STAC: variants seen among roughly 807,000 people sequenced by gnomAD.
STAC encodes the protein SH3 and cysteine-rich domain-containing protein.
STAC carries 43 observed loss-of-function variants against 48.8 expected under a neutral mutation model. The ratio of observed to expected loss-of-function variants is 0.88; its 90% CI spans 0.69 to 1.14. The LOEUF (loss-of-function observed/expected upper bound fraction) is 1.14, where lower values mean the gene tolerates loss of function less well. Among genes scored for constraint, STAC ranks in the 50% most tolerant of loss-of-function variants. The pLI is 0.00. For synonymous variants in STAC, 193 were observed against 179.5 expected (o/e 1.07, Z -0.60); for missense variants, 497 against 504.0 (o/e 0.99, Z 0.13).
intron 8 of STAC, among the ~76,000 whole-genome samples, chr3:36,524,590 T>G (rs1188438904): frequency 6.6e-5 from 10 of 151,562 alleles, no homozygotes. Context: ...AAACTCCATC[T>G]CAAAAAAATA....
intron 2 of STAC, among the ~76,000 whole-genome samples, chr3:36,455,393 C>A (rs1696824955): frequency 6.6e-6 from 1 of 152,170 alleles, no homozygotes; most frequent in African/African-American, 2.4e-5. Flanking sequence ...AGCTGCAAAG[C>A]CTTTTCCTGC....
intron 1 of STAC, among the ~76,000 whole-genome samples, chr3:36,398,304 A>AAAGCAAGAAAGAAAGC: frequency 9.1e-6 from 1 of 109,440 alleles, no homozygotes; most frequent in African/African-American, 3.9e-5. Flanking sequence ...AAAAAGAAAG[A>AAAGCAAGAAAGAAAGC]AAGAAAGAAA....
chr3:36,464,737 A>G (rs1697117904), intron 2 of STAC, among the ~76,000 whole-genome samples: 1 of 152,224 alleles, frequency 6.6e-6, no homozygotes, highest in South Asian at 2.1e-4. Flanking sequence ...TATTGGAACA[A>G]TAGTCTCCGA....
chr3:36,529,090 G>A, intron 10 of STAC, 105 bp downstream of exon 10: 1 of 1,167,464 alleles, frequency 8.6e-7, no homozygotes, highest in East Asian at 2.6e-5. Flanking sequence ...CACATTCAAA[G>A]TATTCACTTT....
chr3:36,526,659 G>A (rs377373621), intron 8 of STAC, among the ~76,000 whole-genome samples: 16 of 152,030 alleles, frequency 1.1e-4, no homozygotes, highest in East Asian at 7.7e-4. Context: ...TCATAGCACC[G>A]CATTACTACT....
chr3:36,402,302 A>G (rs1418808449), intron 1 of STAC, among the ~76,000 whole-genome samples: 1 of 152,094 alleles, frequency 6.6e-6, no homozygotes, highest in Non-Finnish European at 1.5e-5. Context: ...GGGGAAGAAG[A>G]AGGAAGGAAG....
At position 36,382,321 on chromosome 3, in the gene STAC, C is replaced by T. The variant is rs373748607; in HGVS notation, c.111+1567C>T. Among the ~76,000 whole-genome samples the T allele has an allele frequency of 5.9e-5, 9 of 152,278 alleles. No homozygotes were observed. The South Asian group carries it at 1.9e-3, about 32-fold the overall frequency. On this transcript the variant is annotated intron_variant, in intron 1 of 10. Transcript: ENST00000273183. ...CCTGTTGCTCTGCAGTAGGCGTGTT[C>T]TGGAAAGGGCTTAGCATTTGGGCAA...
intron 2 of STAC, among the ~76,000 whole-genome samples, chr3:36,453,627 G>GGAGGCTAGGGGATTGTAAACA (rs1553636174): frequency 6.0e-4 from 64 of 106,360 alleles, no homozygotes; most frequent in South Asian, 7.7e-4. Flanking sequence ...TCCCTGACGA[G>GGAGGCTAGGGGATTGTAAACA]CGCCGCCCCC....
chr3:36,523,590 C>T (rs548066505), intron 8 of STAC, among the ~76,000 whole-genome samples: 1 of 152,272 alleles, frequency 6.6e-6, no homozygotes, highest in African/African-American at 2.4e-5. Context: ...ATAAAGTCTC[C>T]TAAAAGCAAG....
intron 5 of STAC, among the ~76,000 whole-genome samples, chr3:36,492,023 AAAAAAAAAATATATATATATATATAT>A (rs1451334981): frequency 4.0e-5 from 1 of 25,000 alleles, no homozygotes; most frequent in African/African-American, 1.0e-4. Flanking sequence ...AAAAAAAAAA[AAAAAAAAAATATATATATATATATAT>A]ATATATATAT....
chr3:36,533,730 CT>C (rs1485956190), intron 10 of STAC, among the ~76,000 whole-genome samples: 1 of 151,978 alleles, frequency 6.6e-6, no homozygotes, highest in Non-Finnish European at 1.5e-5. Context: ...TAAACTGAAT[CT>C]GCTAGGGTTT....
At chr3:36,526,752 A>C (rs776429195) in intron 8 of STAC, among the ~76,000 whole-genome samples, 8 of 152,206 alleles carry the variant, frequency 5.3e-5, no homozygotes, top group Admixed American at 1.3e-4. Flanking sequence ...ACCCATGCCT[A>C]AGGAGGGCTC....
intron 2 of STAC, among the ~76,000 whole-genome samples, chr3:36,455,722 C>T (rs1042155721): frequency 2.0e-5 from 3 of 151,752 alleles, no homozygotes; most frequent in African/African-American, 4.9e-5. Flanking sequence ...AAAATAGGGC[C>T]GTCCTTTGTA....
chr3:36,487,844 T>C (rs2125702963), intron 5 of STAC, among the ~76,000 whole-genome samples: 1 of 152,324 alleles, frequency 6.6e-6, no homozygotes, highest in East Asian at 1.9e-4. Flanking sequence ...CATTTTAAGA[T>C]ACCTGATGAC....
intron 10 of STAC, among the ~76,000 whole-genome samples, chr3:36,539,219 T>C (rs1699266924): frequency 6.6e-6 from 1 of 152,084 alleles, no homozygotes; most frequent in Admixed American, 6.6e-5. Flanking sequence ...AACTTTTATT[T>C]TAAGTTCAGG....
intron 6 of STAC, among the ~76,000 whole-genome samples, chr3:36,495,207 A>G (rs1249566486): frequency 6.6e-6 from 1 of 152,194 alleles, no homozygotes; most frequent in Non-Finnish European, 1.5e-5. Flanking sequence ...TAGGGTTCTT[A>G]TGATCTTTGG....
chr3:36,444,015 C>T (rs984857425), intron 2 of STAC, among the ~76,000 whole-genome samples: 12 of 152,106 alleles, frequency 7.9e-5, no homozygotes, highest in South Asian at 4.1e-4. Context: ...AAAAAAAAGC[C>T]GATGTCTGTC....
chr3:36,535,823 T>C (rs1162610707), intron 10 of STAC, among the ~76,000 whole-genome samples: 1 of 152,212 alleles, frequency 6.6e-6, no homozygotes, highest in East Asian at 1.9e-4. Flanking sequence ...GAAGCCAACT[T>C]GATCATGGTG....
intron 2 of STAC, among the ~76,000 whole-genome samples, chr3:36,457,868 G>T (rs1249658709): frequency 6.6e-6 from 1 of 152,220 alleles, no homozygotes; most frequent in South Asian, 2.1e-4. Flanking sequence ...CCAACCACAA[G>T]GCCCTCAGCC....
Sources: allele counts gnomAD v4.1 joint callset (sites outside exome capture counted in the v4.1 genomes callset), GRCh38; gene constraint gnomAD v4.1.1; transcripts MANE v1.5; gene names NCBI Gene and HGNC (gene_info 2026-07-23, HGNC 2026-07-21).